ALMS1: variants seen among roughly 807,000 people sequenced by gnomAD.
ALMS1 encodes the protein ALMS1 centrosome and basal body associated protein, also known as centrosome-associated protein ALMS1.
ALMS1 carries 271 observed loss-of-function variants against 352.2 expected under a neutral mutation model. That is an observed-to-expected ratio of 0.77 (90% CI 0.70 to 0.85). The LOEUF (loss-of-function observed/expected upper bound fraction) is 0.85. Among genes scored for constraint, ALMS1 ranks in the 40% least tolerant of loss-of-function variants. The probability of loss-of-function intolerance (pLI) is 0.00; values close to 1 mark genes in which losing one functional copy is unlikely to be tolerated. For missense variants in ALMS1, 5,445 were observed against 4,870.7 expected (o/e 1.12, Z -3.51); for synonymous variants, 1,865 against 1,761.2 (o/e 1.06, Z -1.48).
Position 73,454,064 on chromosome 2 carries a change from C to CATA in ALMS1, c.7539_7540insAAT (p.His2513_Ala2514insAsn), listed in dbSNP as rs757932553. The CATA allele has an allele frequency of 1.9e-6, 3 of 1,608,058 alleles. No individual in the cohort carries two copies. The highest frequency in any genetic ancestry group is 2.5e-6 in the Non-Finnish European group (3 of 1,177,040). On this transcript the variant is annotated inframe_insertion, in exon 8 of 23. Transcript: ENST00000613296. ...GGAAGAGGAAAGCCGGGTACGAGCA[C>CATA]ATGGTAAGAAGAAAGTTTCAGGCTT...
At chr2:73,454,164 C>T (rs1173639464) in intron 8 of ALMS1, 97 bp downstream of exon 8, 35 of 1,501,722 alleles carry the variant, frequency 2.3e-5, no homozygotes, top group Non-Finnish European at 3.1e-5. Flanking sequence ...ATGAAAAATA[C>T]AAGCAAGATC....
intron 7 of ALMS1, among the ~76,000 whole-genome samples, chr2:73,445,176 G>A (rs140813875): frequency 2.6e-5 from 4 of 152,084 alleles, no homozygotes; most frequent in South Asian, 2.1e-4. Context: ...ACAAACATAC[G>A]ATGTGTAATA....
chr2:73,423,350 G>C (rs1359726554), intron 4 of ALMS1, among the ~76,000 whole-genome samples: 1 of 152,050 alleles, frequency 6.6e-6, no homozygotes, highest in Non-Finnish European at 1.5e-5. Flanking sequence ...TCACTAACTT[G>C]TTTGGCACTC....
chr2:73,508,141 C>CCCTTT (rs376391271), intron 10 of ALMS1, among the ~76,000 whole-genome samples: 9,654 of 146,570 alleles, frequency 0.066, 408 homozygotes, highest in Middle Eastern at 0.15. Context: ...CTTTCCCTTT[C>CCCTTT]CCTTTCCTTT....
chr2:73,603,390 T>C, intron 21 of ALMS1, 86 bp downstream of exon 21: 1 of 1,168,452 alleles, frequency 8.6e-7, no homozygotes, highest in Admixed American at 1.8e-5. Flanking sequence ...CCAGAATAAA[T>C]GTATTATACT....
chr2:73,540,254 A>T (rs1187848432), intron 12 of ALMS1, among the ~76,000 whole-genome samples: 3 of 152,244 alleles, frequency 2.0e-5, no homozygotes, highest in African/African-American at 7.2e-5. Flanking sequence ...CCAGAATTTC[A>T]TATCCAGCCA....
Position 73,453,858 on chromosome 2 carries a change from T to TA in ALMS1, c.7334dup (p.Asn2445LysfsTer15), listed in dbSNP as rs2103793544. On this transcript the variant is annotated frameshift_variant, in exon 8 of 23. Coordinates refer to ENST00000613296, the MANE Select transcript of ALMS1 (RefSeq NM_001378454.1). LOFTEE classifies it high-confidence loss of function. ...TTGGAATCAGTTTCTGATGTTCTTC[T>TA]AAACTTCTTTCCATATGTTTCACCC... 1.9e-6 allele frequency: 3 copies of TA among 1,614,160 alleles called. No individual in the cohort carries two copies.
At chr2:73,486,230 C>G (rs532187237) in intron 9 of ALMS1, among the ~76,000 whole-genome samples, 1 of 151,940 alleles carries the variant, frequency 6.6e-6, no homozygotes. Context: ...ATGAGGTTTG[C>G]AAATATTTTC....
chr2:73,424,127 G>T (rs978265438), intron 4 of ALMS1, among the ~76,000 whole-genome samples: 23 of 152,090 alleles, frequency 1.5e-4, no homozygotes, highest in African/African-American at 5.1e-4. Context: ...AAAAGTTAAC[G>T]CAGGTTAAAT....
chr2:73,425,001 C>G, intron 5 of ALMS1, 99 bp downstream of exon 5: 3 of 1,035,418 alleles, frequency 2.9e-6, no homozygotes, highest in Middle Eastern at 3.2e-4. Flanking sequence ...TTCCTATGTG[C>G]CATGGAACAA....
At chr2:73,545,971 G>A (rs973769734) in intron 12 of ALMS1, among the ~76,000 whole-genome samples, 1 of 152,162 alleles carries the variant, frequency 6.6e-6, no homozygotes. Flanking sequence ...TTGAAGAAAT[G>A]TCTTTTTGGT....
chr2:73,537,688 T>C (rs1674060271), intron 12 of ALMS1, among the ~76,000 whole-genome samples: 1 of 152,120 alleles, frequency 6.6e-6, no homozygotes, highest in Admixed American at 6.6e-5. Flanking sequence ...TAGAATCTGG[T>C]TTCCAGAGTT....
chr2:73,398,102 C>T (rs944393031), intron 1 of ALMS1, among the ~76,000 whole-genome samples: 4 of 152,160 alleles, frequency 2.6e-5, no homozygotes, highest in Non-Finnish European at 2.9e-5. Context: ...GAGTTTTATA[C>T]TTTTGCACTT....
At chr2:73,601,044 C>A in intron 18 of ALMS1, 151 bp from the exon 19 acceptor site, 3 of 1,422,262 alleles carry the variant, frequency 2.1e-6, no homozygotes, top group Non-Finnish European at 2.9e-6. Context: ...CACAGTCATC[C>A]CTGCAGCAAA....
At chr2:73,477,073 A>G (rs538039213) in intron 9 of ALMS1, among the ~76,000 whole-genome samples, 8 of 151,806 alleles carry the variant, frequency 5.3e-5, no homozygotes, top group Admixed American at 5.2e-4. Context: ...TTACCTTTTC[A>G]CTCTGTTGAT....
At chr2:73,578,788 C>T (rs921275030) in intron 16 of ALMS1, among the ~76,000 whole-genome samples, 23 of 152,020 alleles carry the variant, frequency 1.5e-4, no homozygotes, top group African/African-American at 2.2e-4. Flanking sequence ...TTTATGCATT[C>T]GTTTTTTAAA....
At chr2:73,400,112 A>AT (rs930727537) in intron 1 of ALMS1, among the ~76,000 whole-genome samples, 2 of 150,794 alleles carry the variant, frequency 1.3e-5, no homozygotes. Context: ...TAATTTTTGT[A>AT]TTTTTTTTAG....
At chr2:73,574,329 A>G (rs536520894) in intron 16 of ALMS1, among the ~76,000 whole-genome samples, 2 of 152,310 alleles carry the variant, frequency 1.3e-5, no homozygotes, top group South Asian at 2.1e-4. Context: ...ATCACTAGAC[A>G]TGCTCTCCAA....
intron 16 of ALMS1, among the ~76,000 whole-genome samples, chr2:73,577,398 CT>C (rs931756458): frequency 6.7e-6 from 1 of 149,194 alleles, no homozygotes; most frequent in Non-Finnish European, 1.5e-5. Flanking sequence ...ATTTGTTTAT[CT>C]TTTTTTTTAA....
Sources: gnomAD v4.1 joint callset for allele counts (sites outside exome capture counted in the v4.1 genomes callset) on GRCh38, gnomAD v4.1.1 for gene constraint, MANE v1.5 for transcripts, NCBI Gene and HGNC (gene_info 2026-07-23, HGNC 2026-07-21) for gene names.